Variants in STK33 observed in about 807,000 individuals in gnomAD.
STK33 encodes serine/threonine-protein kinase 33.
A neutral mutation model predicts 58.0 loss-of-function variants in STK33; 52 were observed. The ratio of observed to expected loss-of-function variants is 0.90; its 90% CI spans 0.72 to 1.13. STK33 has a LOEUF of 1.13. STK33 is among the 50% of genes most tolerant of loss of function. The probability of loss-of-function intolerance (pLI) is 0.00; values close to 1 mark genes in which losing one functional copy is unlikely to be tolerated. For synonymous variants in STK33, 215 were observed against 200.1 expected (o/e 1.07, Z -0.63); for missense variants, 630 against 604.2 (o/e 1.04, Z -0.45).
intron 1 of STK33, among the ~76,000 whole-genome samples, chr11:8,587,587 TAAAA>T (rs11312849): frequency 8.8e-4 from 125 of 141,580 alleles, no homozygotes; most frequent in Admixed American, 7.7e-4. Flanking sequence ...CAATGGAAGG[TAAAA>T]AAAAAAAAAA....
chr11:8,528,845 A>G (rs932069965), intron 1 of STK33, among the ~76,000 whole-genome samples: 1 of 152,246 alleles, frequency 6.6e-6, no homozygotes, highest in African/African-American at 2.4e-5. Context: ...AAATGTTTGC[A>G]TATGAGCCTA....
intron 1 of STK33, among the ~76,000 whole-genome samples, chr11:8,569,253 A>G (rs1957643767): frequency 6.6e-6 from 1 of 152,240 alleles, no homozygotes; most frequent in Non-Finnish European, 1.5e-5. Flanking sequence ...AAGACTCACT[A>G]TCAAGCCACA....
chr11:8,534,576 G>C (rs5012852), intron 1 of STK33, among the ~76,000 whole-genome samples: 28 of 125,918 alleles, frequency 2.2e-4, no homozygotes, highest in Non-Finnish European at 3.5e-4. Context: ...CTCTGTGTGT[G>C]TGTGTGTGTG....
intron 1 of STK33, among the ~76,000 whole-genome samples, chr11:8,485,491 C>G (rs1950137065): frequency 6.6e-6 from 1 of 152,106 alleles, no homozygotes. Flanking sequence ...ATACTACAAA[C>G]AGAAAATTGC....
At chr11:8,448,266 G>C (rs1453254441) in intron 11 of STK33, among the ~76,000 whole-genome samples, 1 of 152,110 alleles carries the variant, frequency 6.6e-6, no homozygotes. Flanking sequence ...TTTCTTCACA[G>C]AATTGGAAAA....
intron 1 of STK33, among the ~76,000 whole-genome samples, chr11:8,591,340 A>T (rs2032556706): frequency 6.6e-6 from 1 of 152,212 alleles, no homozygotes; most frequent in Non-Finnish European, 1.5e-5. Flanking sequence ...ATTACAAAAT[A>T]ACATTTTTAA....
At chr11:8,444,182 C>T (rs979864537) in intron 11 of STK33, among the ~76,000 whole-genome samples, 3 of 152,080 alleles carry the variant, frequency 2.0e-5, no homozygotes, top group Non-Finnish European at 2.9e-5. Context: ...TAACCACTAA[C>T]AAATTTGATC....
chr11:8,537,289 T>C (rs1167838619), intron 1 of STK33, among the ~76,000 whole-genome samples: 1 of 151,878 alleles, frequency 6.6e-6, no homozygotes, highest in African/African-American at 2.4e-5. Flanking sequence ...AGGGTCTTGC[T>C]ATGTGGCCTA....
intron 1 of STK33, among the ~76,000 whole-genome samples, chr11:8,523,124 C>G (rs551036091): frequency 6.6e-6 from 1 of 152,190 alleles, no homozygotes; most frequent in African/African-American, 2.4e-5. Flanking sequence ...AGGGCAGTGG[C>G]GTGATCTCGG....
At chr11:8,391,169 A>C (rs1341402146), downstream of STK33, among the ~76,000 whole-genome samples, 1 of 152,232 alleles carries the variant, frequency 6.6e-6, no homozygotes, top group East Asian at 1.9e-4. Context: ...CTGGCTTACT[A>C]AACCCTGAGA....
intron 1 of STK33, among the ~76,000 whole-genome samples, chr11:8,495,919 C>A (rs573083226): frequency 2.4e-5 from 3 of 123,930 alleles, no homozygotes; most frequent in African/African-American, 9.3e-5. Context: ...GAACACAGGG[C>A]GGGGAATATC....
chr11:8,550,344 A>C (rs1956221977), intron 1 of STK33, among the ~76,000 whole-genome samples: 1 of 151,866 alleles, frequency 6.6e-6, no homozygotes, highest in Admixed American at 6.6e-5. Context: ...TCCTTCTACT[A>C]ATATATTGGC....
chr11:8,453,169 T>G (rs117378862), intron 10 of STK33, among the ~76,000 whole-genome samples: 4,971 of 152,326 alleles, frequency 0.033, 120 homozygotes, highest in Non-Finnish European at 0.05. Context: ...CTGATTAAAT[T>G]CACCAGTCTA....
At chr11:8,562,427 T>G (rs1471696570) in intron 1 of STK33, among the ~76,000 whole-genome samples, 1 of 152,168 alleles carries the variant, frequency 6.6e-6, no homozygotes, top group Non-Finnish European at 1.5e-5. Flanking sequence ...CCATGGCGTG[T>G]CCCAACACGA....
rs769767778 is a variant in STK33 at position 8,452,910 on chromosome 11, G to A, written c.787-4C>T. 1 of 1,613,642 alleles carries A rather than the reference G, an allele frequency of 6.2e-7. No individual in the cohort carries two copies. The highest frequency in any genetic ancestry group is 1.7e-5 in the Admixed American group (1 of 60,002). ...CCGCTAAGCCAAAATCAGTCACCTG[G>A]GAGAAGAAATTCAAGCACAGTCACC... is the stretch of plus-strand genomic sequence containing the variant. On this transcript the variant is annotated splice_region_variant and splice_polypyrimidine_tract_variant and intron_variant, in intron 10 of 15. Coordinates refer to ENST00000687296, the MANE Select transcript of STK33 (RefSeq NM_001352389.2).
intron 1 of STK33, among the ~76,000 whole-genome samples, chr11:8,523,288 G>T (rs1273064796): frequency 6.7e-6 from 1 of 150,016 alleles, no homozygotes; most frequent in African/African-American, 2.5e-5. Context: ...CTGCCCAGCC[G>T]CCCAGTCTGG....
chr11:8,566,590 A>AAAC lies in STK33; in HGVS notation c.-466+27490_-466+27492dup, dbSNP rs557098940. On this transcript the variant is annotated intron_variant, in intron 1 of 15. Transcript: ENST00000687296. ...ATAGGATATCTTGACTAAATTCTGC[A>AAAC]AACAGTCAATTGAACCAATATTGCA... 2.2e-4 allele frequency among the ~76,000 whole-genome samples: 33 copies of AAAC among 152,340 alleles called. No homozygotes were observed. The South Asian group carries it at 6.6e-3, about 31-fold the overall frequency.
chr11:8,447,946 A>G (rs1945724873), intron 11 of STK33, among the ~76,000 whole-genome samples: 2 of 152,244 alleles, frequency 1.3e-5, no homozygotes, highest in South Asian at 4.1e-4. Context: ...AAGTCTCAGG[A>G]TACAAAATCA....
the STK33 span, among the ~76,000 whole-genome samples, chr11:8,344,489 TG>T: frequency 6.6e-6 from 1 of 152,212 alleles, no homozygotes; most frequent in African/African-American, 2.4e-5. Context: ...TACAATTGTA[TG>T]AGGTAGTTAC....
Sources: gnomAD v4.1 joint callset for allele counts (sites outside exome capture counted in the v4.1 genomes callset) on GRCh38, gnomAD v4.1.1 for gene constraint, MANE v1.5 for transcripts, NCBI Gene and HGNC (gene_info 2026-07-23, HGNC 2026-07-21) for gene names.